TMEM117: variants seen among roughly 807,000 people sequenced by gnomAD.
TMEM117 encodes transmembrane protein 117.
A neutral mutation model predicts 52.4 loss-of-function variants in TMEM117; 27 were observed. The ratio of observed to expected loss-of-function variants is 0.51; its 90% confidence interval spans 0.38 to 0.71. TMEM117 has a LOEUF of 0.71. TMEM117 is among the 30% of genes least tolerant of loss of function. The pLI is 0.00. For missense variants in TMEM117, 556 were observed against 630.5 expected (o/e 0.88, Z 1.26); for synonymous variants, 215 against 206.3 (o/e 1.04, Z -0.36).
chr12:43,800,368 A>T, the TMEM117 span: 1 of 1,145,712 alleles, frequency 8.7e-7, no homozygotes, highest in African/African-American at 1.5e-5. Flanking sequence ...TCAATTACCC[A>T]TTACCTAGGA....
chr12:44,243,515 TTATATA>T (rs1167790918), intron 5 of TMEM117, among the ~76,000 whole-genome samples: 1 of 151,836 alleles, frequency 6.6e-6, no homozygotes, highest in Non-Finnish European at 1.5e-5. Flanking sequence ...CAAGTAATAA[TTATATA>T]TATTTATGAG....
At chr12:43,997,432 A>G (rs750346012) in intron 3 of TMEM117, among the ~76,000 whole-genome samples, 7 of 152,076 alleles carry the variant, frequency 4.6e-5, no homozygotes, top group Non-Finnish European at 8.8e-5. Flanking sequence ...GAATATCTCC[A>G]CTTCTATTTT....
intron 3 of TMEM117, among the ~76,000 whole-genome samples, chr12:44,019,001 C>T (rs533707908): frequency 1.3e-5 from 2 of 152,222 alleles, no homozygotes; most frequent in South Asian, 2.1e-4. Context: ...TGTGCCCAGC[C>T]GATTAACTCT....
chr12:43,920,540 C>A (rs1026799606), intron 2 of TMEM117, among the ~76,000 whole-genome samples: 2 of 138,486 alleles, frequency 1.4e-5, no homozygotes, highest in Non-Finnish European at 3.0e-5. Flanking sequence ...CAGTTCAAAC[C>A]TAGAGGGCCT....
chr12:44,168,742 TA>T (rs1949004526), intron 4 of TMEM117, among the ~76,000 whole-genome samples: 1 of 152,252 alleles, frequency 6.6e-6, no homozygotes, highest in African/African-American at 2.4e-5. Flanking sequence ...TAAACATTTT[TA>T]AGTGTAGAGT....
At chr12:44,050,291 C>T (rs1293140468) in intron 3 of TMEM117, among the ~76,000 whole-genome samples, 4 of 152,190 alleles carry the variant, frequency 2.6e-5, no homozygotes, top group Non-Finnish European at 5.9e-5. Context: ...ATCCTCCTGC[C>T]CCAGCCTCCC....
At chr12:44,147,835 GGCA>G (rs1214621408) in intron 4 of TMEM117, among the ~76,000 whole-genome samples, 2 of 151,974 alleles carry the variant, frequency 1.3e-5, no homozygotes, top group Non-Finnish European at 2.9e-5. Context: ...AGGAGGCTGA[GGCA>G]GCAGAATGGC....
intron 5 of TMEM117, among the ~76,000 whole-genome samples, chr12:44,217,306 A>G (rs1283351287): frequency 6.6e-6 from 1 of 152,112 alleles, no homozygotes; most frequent in African/African-American, 2.4e-5. Context: ...AGGGATGTGG[A>G]GAGTGCAGGT....
chr12:44,192,202 C>T (rs1949364296), intron 4 of TMEM117, among the ~76,000 whole-genome samples: 1 of 152,166 alleles, frequency 6.6e-6, no homozygotes, highest in Non-Finnish European at 1.5e-5. Flanking sequence ...CACTCCTTCT[C>T]CATCAGTGAG....
At chr12:43,962,338 A>G (rs1945417492) in intron 3 of TMEM117, among the ~76,000 whole-genome samples, 1 of 152,230 alleles carries the variant, frequency 6.6e-6, no homozygotes, top group Non-Finnish European at 1.5e-5. Flanking sequence ...GCAAATATGC[A>G]TAACATAATT....
At chr12:43,925,935 G>T (rs955251372) in intron 2 of TMEM117, among the ~76,000 whole-genome samples, 2 of 152,112 alleles carry the variant, frequency 1.3e-5, no homozygotes, top group Non-Finnish European at 2.9e-5. Context: ...AGCCAGTCTG[G>T]GTCCCAGCTT....
chr12:44,036,052 T>G (rs2137882348), intron 3 of TMEM117, among the ~76,000 whole-genome samples: 1 of 152,294 alleles, frequency 6.6e-6, no homozygotes, highest in South Asian at 2.1e-4. Flanking sequence ...TCTACACAGT[T>G]TTGGGGCACT....
Position 44,216,007 on chromosome 12 carries a change from T to TTC in TMEM117, c.608+4621_608+4622insCT, listed in dbSNP as rs200199650. Among the ~76,000 whole-genome samples, 185 of 135,864 alleles carry TTC rather than the reference T, an allele frequency of 1.4e-3. 1 individual carries two copies. Among genetic ancestry groups the TTC allele is most frequent in the African/African-American group, 5.3e-3 (177 of 33,684 alleles). 89.1% of individuals were successfully genotyped at this position (135,864 alleles called of 152,430 possible). On this transcript the variant is annotated intron_variant, in intron 5 of 7. Coordinates refer to ENST00000266534, the MANE Select transcript of TMEM117 (RefSeq NM_032256.3). ...CTCCTTTCTTTCTTTCTTTCTTTCT[T>TTC]TTTTTTTTTTTTTTTTTTGAGACGG...
intron 5 of TMEM117, among the ~76,000 whole-genome samples, chr12:44,245,948 C>A (rs531308264): frequency 1.6e-4 from 25 of 152,158 alleles, no homozygotes; most frequent in South Asian, 8.3e-4. Flanking sequence ...TGGGAATTAT[C>A]CAAAACAATT....
chr12:44,002,091 G>T (rs1946125242), intron 3 of TMEM117, among the ~76,000 whole-genome samples: 1 of 152,130 alleles, frequency 6.6e-6, no homozygotes, highest in African/African-American at 2.4e-5. Flanking sequence ...GAGAGAATAG[G>T]TTTGGAACCC....
At chr12:43,805,270 A>G in the TMEM117 span, among the ~76,000 whole-genome samples, 1 of 152,272 alleles carries the variant, frequency 6.6e-6, no homozygotes, top group South Asian at 2.1e-4. Flanking sequence ...GTCAATAACT[A>G]CATATTTATA....
chr12:44,233,433 T>A (rs958920027), intron 5 of TMEM117, among the ~76,000 whole-genome samples: 2 of 151,250 alleles, frequency 1.3e-5, no homozygotes, highest in Non-Finnish European at 3.0e-5. Context: ...GAAACTCAAG[T>A]ACACAGAATT....
chr12:43,929,318 C>T (rs1233184962), intron 2 of TMEM117, among the ~76,000 whole-genome samples: 1 of 152,098 alleles, frequency 6.6e-6, no homozygotes, highest in Non-Finnish European at 1.5e-5. Flanking sequence ...ATTATTACTA[C>T]TATACTACCT....
chr12:44,106,644 A>G (rs1947959255), intron 3 of TMEM117, among the ~76,000 whole-genome samples: 1 of 152,036 alleles, frequency 6.6e-6, no homozygotes, highest in African/African-American at 2.4e-5. Flanking sequence ...ATATACAAAT[A>G]TAATTTGTCA....
Sources: allele counts gnomAD v4.1 joint callset (sites outside exome capture counted in the v4.1 genomes callset), GRCh38; gene constraint gnomAD v4.1.1; transcripts MANE v1.5; gene names NCBI Gene and HGNC (gene_info 2026-07-23, HGNC 2026-07-21).